PCDH15: variants seen among roughly 807,000 people sequenced by gnomAD.
PCDH15 encodes protocadherin-15.
In PCDH15, 129 loss-of-function variants were observed where a neutral mutation model predicts 178.5. The observed-to-expected ratio is 0.72, with a 90% CI of 0.63 to 0.84. The LOEUF (loss-of-function observed/expected upper bound fraction) is 0.84. Among genes scored for constraint, PCDH15 ranks in the 40% least tolerant of loss-of-function variants. PCDH15 has a pLI of 0.00. For synonymous variants in PCDH15, 800 were observed against 732.0 expected (o/e 1.09, Z -1.50); for missense variants, 2,230 against 2,099.9 (o/e 1.06, Z -1.21).
intron 8 of PCDH15, among the ~76,000 whole-genome samples, chr10:54,300,048 CT>C (rs1285678463): frequency 1.3e-5 from 2 of 152,198 alleles, no homozygotes; most frequent in African/African-American, 4.8e-5. Flanking sequence ...TCTATCCTTA[CT>C]CTACAATCCG....
Position 54,132,931 on chromosome 10 carries a change from A to G in PCDH15, c.1861T>C (p.Tyr621His). ...QSPPRFPQLMYSLEISEAMRV... is the reference protein window; with the variant it reads ...QSPPRFPQLMHSLEISEAMRV... ...ATGGCTTCACTAATTTCAAGGCTAT[A>G]CATCAGCTGTGGGAAGCGAGGAGGG... The change falls in exon 15 of 38, where the codon TAT (tyrosine) becomes CAT (histidine). Residue 621 changes from tyrosine to histidine, a missense_variant. Tyr to His is a moderately conservative substitution (Grantham distance 83). Transcript: ENST00000644397. 1.2e-6 allele frequency: 2 copies of G among 1,614,132 alleles called. No individual in the cohort carries two copies. Among genetic ancestry groups the G allele is most frequent in the Non-Finnish European group, 8.5e-7 (1 of 1,180,014 alleles).
chr10:54,089,238 CAA>C (rs1367480127), intron 16 of PCDH15, among the ~76,000 whole-genome samples: 2 of 152,176 alleles, frequency 1.3e-5, no homozygotes, highest in African/African-American at 2.4e-5. Flanking sequence ...ATTCATTTGT[CAA>C]AGTTTTAACT....
At chr10:54,344,800 T>G in intron 6 of PCDH15, among the ~76,000 whole-genome samples, 1 of 151,038 alleles carries the variant, frequency 6.6e-6, no homozygotes, top group Admixed American at 6.6e-5. Flanking sequence ...TCATTTCTTA[T>G]GTAACCCTTC....
intron 1 of PCDH15, among the ~76,000 whole-genome samples, chr10:54,767,378 G>GT (rs1361072323): frequency 6.6e-6 from 1 of 152,088 alleles, no homozygotes; most frequent in African/African-American, 2.4e-5. Context: ...GCTAATAAGT[G>GT]TTTAGATCAA....
At chr10:55,248,354 TG>T (rs751815510) in intron 1 of PCDH15, among the ~76,000 whole-genome samples, 2 of 152,274 alleles carry the variant, frequency 1.3e-5, no homozygotes, top group East Asian at 3.9e-4. Context: ...TTCAGGTTTT[TG>T]CATTTTGTAT....
chr10:53,946,268 G>A (rs895561340), intron 23 of PCDH15, among the ~76,000 whole-genome samples: 8 of 152,084 alleles, frequency 5.3e-5, no homozygotes, highest in African/African-American at 1.2e-4. Flanking sequence ...TTCCTATTCC[G>A]GCTGGTTCAC....
chr10:55,076,956 A>G lies in PCDH15; in HGVS notation c.-80+89620T>C, dbSNP rs538510159. On this transcript the variant is annotated intron_variant, in intron 2 of 5. Coordinates refer to the PCDH15 transcript ENST00000458638. ...GCTAATTTTGGTATTTTTAGTAAAAACGGGGTTTTGCCATGTTGATCAGGC... is the reference window on the plus strand; with the variant it reads ...GCTAATTTTGGTATTTTTAGTAAAAGCGGGGTTTTGCCATGTTGATCAGGC... Among the ~76,000 whole-genome samples the G allele has an allele frequency of 3.8e-3, 580 of 150,892 alleles. 1 individual carries two copies. Among genetic ancestry groups the G allele is most frequent in the Non-Finnish European group, 6.3e-3 (428 of 67,690 alleles).
At chr10:54,121,852 C>G (rs1288156095) in intron 15 of PCDH15, among the ~76,000 whole-genome samples, 1 of 151,932 alleles carries the variant, frequency 6.6e-6, no homozygotes, top group East Asian at 1.9e-4. Context: ...AGCCCCAGTC[C>G]AGATAGATTA....
intron 3 of PCDH15, among the ~76,000 whole-genome samples, chr10:54,865,894 A>G (rs181807937): frequency 1.0e-3 from 153 of 152,344 alleles, no homozygotes; most frequent in Non-Finnish European, 1.8e-3. Context: ...AATCTCATGT[A>G]TACTTCAGTG....
chr10:55,206,900 T>C (rs1840417626), intron 1 of PCDH15, among the ~76,000 whole-genome samples: 2 of 152,126 alleles, frequency 1.3e-5, no homozygotes, highest in South Asian at 4.1e-4. Context: ...TTTGACCTCT[T>C]AAATAAATCT....
intron 3 of PCDH15, among the ~76,000 whole-genome samples, chr10:54,515,858 G>C (rs1272930979): frequency 6.6e-6 from 1 of 152,210 alleles, no homozygotes; most frequent in Non-Finnish European, 1.5e-5. Context: ...CTGTTCTGCA[G>C]CCACTGCTGC....
intron 25 of PCDH15, among the ~76,000 whole-genome samples, chr10:53,913,647 G>T (rs1234377754): frequency 6.6e-6 from 1 of 151,854 alleles, no homozygotes; most frequent in Non-Finnish European, 1.5e-5. Context: ...GGGAGGCTGA[G>T]GCAGGAGAAT....
intron 13 of PCDH15, among the ~76,000 whole-genome samples, chr10:54,168,592 A>T (rs1226363536): frequency 6.6e-6 from 1 of 152,198 alleles, no homozygotes; most frequent in East Asian, 1.9e-4. Context: ...ACTCTTAAAA[A>T]GGTGGCTGGA....
intron 1 of PCDH15, among the ~76,000 whole-genome samples, chr10:55,222,730 CATATATAT>C (rs142618720): frequency 0.063 from 7,663 of 121,216 alleles, 521 homozygotes; most frequent in Non-Finnish European, 0.075. Context: ...CACACACACA[CATATATAT>C]ATATATATAT....
At chr10:55,606,313 C>T (rs1408959348) in intron 2 of PCDH15, among the ~76,000 whole-genome samples, 1 of 121,300 alleles carries the variant, frequency 8.2e-6, no homozygotes, top group Non-Finnish European at 1.7e-5. Flanking sequence ...TGAAAATGGC[C>T]ATACTGCCCA....
chr10:53,958,948 C>T (rs1208623377), intron 23 of PCDH15, among the ~76,000 whole-genome samples: 6 of 136,404 alleles, frequency 4.4e-5, no homozygotes, highest in Non-Finnish European at 7.6e-5. Context: ...CACTGCACTC[C>T]AGCCTGGGCA....
intron 1 of PCDH15, among the ~76,000 whole-genome samples, chr10:54,674,542 A>G (rs981229964): frequency 2.0e-5 from 3 of 152,146 alleles, no homozygotes; most frequent in South Asian, 2.1e-4. Context: ...TTTGATATAT[A>G]TTAAGCTTTT....
intron 2 of PCDH15, among the ~76,000 whole-genome samples, chr10:54,623,833 A>G (rs1234872162): frequency 6.6e-6 from 1 of 152,128 alleles, no homozygotes; most frequent in Non-Finnish European, 1.5e-5. Context: ...TTATGTACTA[A>G]TAACTATTAC....
At chr10:54,338,002 T>C (rs7099113) in intron 6 of PCDH15, among the ~76,000 whole-genome samples, 10,825 of 152,290 alleles carry the variant, frequency 0.071, 499 homozygotes, top group African/African-American at 0.12. Flanking sequence ...AACATTTGCT[T>C]ACAATATAAA....
Sources: allele counts gnomAD v4.1 joint callset (sites outside exome capture counted in the v4.1 genomes callset), GRCh38; gene constraint gnomAD v4.1.1; transcripts MANE v1.5; gene names NCBI Gene and HGNC (gene_info 2026-07-23, HGNC 2026-07-21).